The following HEMK2 variants were observed in gnomAD, a reference collection of about 807,000 sequenced individuals.
HEMK2 encodes the protein HemK methyltransferase 2, ETF1 glutamine and histone H4 lysine, also known as methyltransferase HEMK2.
At chr21:28,851,872 T>C in the HEMK2 span, among the ~76,000 whole-genome samples, 1 of 152,256 alleles carries the variant, frequency 6.6e-6, no homozygotes, top group Non-Finnish European at 1.5e-5. Flanking sequence ...AAATTGCTTC[T>C]GGTTGGCCTT....
At chr21:28,853,618 T>G in the HEMK2 span, among the ~76,000 whole-genome samples, 1 of 152,170 alleles carries the variant, frequency 6.6e-6, no homozygotes, top group African/African-American at 2.4e-5. Flanking sequence ...GGGTGGCTCC[T>G]AAGGAGAATC....
At chr21:28,878,052 T>C in the HEMK2 span, 58 of 645,862 alleles carry the variant, frequency 9.0e-5, no homozygotes, top group South Asian at 2.0e-3. Flanking sequence ...AATTTATGCC[T>C]GTATTAGCTA....
chr21:28,878,409 T>G, the HEMK2 span: 3 of 1,535,514 alleles, frequency 2.0e-6, no homozygotes, highest in East Asian at 4.6e-5. Context: ...TTTTGACAAG[T>G]AATATCACCA....
the HEMK2 span, among the ~76,000 whole-genome samples, chr21:28,682,378 T>C: frequency 0.49 from 68,057 of 139,002 alleles, 16,538 homozygotes; most frequent in East Asian, 0.77. Context: ...GTTAGAATGG[T>C]GATCATTAAA....
the HEMK2 span, among the ~76,000 whole-genome samples, chr21:28,650,266 G>A: frequency 6.6e-6 from 1 of 152,110 alleles, no homozygotes; most frequent in Non-Finnish European, 1.5e-5. Flanking sequence ...GTGGTGGCAG[G>A]TGCCTGTAAT....
the HEMK2 span, among the ~76,000 whole-genome samples, chr21:28,691,758 A>C: frequency 3.9e-5 from 6 of 152,232 alleles, no homozygotes; most frequent in Non-Finnish European, 8.8e-5. Context: ...CAGAATATAA[A>C]GCTTGGACCC....
the HEMK2 span, among the ~76,000 whole-genome samples, chr21:28,883,275 G>A: frequency 1.3e-5 from 2 of 151,964 alleles, no homozygotes; most frequent in Non-Finnish European, 2.9e-5. Context: ...TTTTGGGTAC[G>A]TAATATAAGT....
At chr21:28,832,673 C>G in the HEMK2 span, among the ~76,000 whole-genome samples, 6 of 152,320 alleles carry the variant, frequency 3.9e-5, no homozygotes, top group Admixed American at 2.0e-4. Context: ...TTCTCACAAC[C>G]TGTGTGACAA....
At chr21:28,806,241 AAT>A in the HEMK2 span, among the ~76,000 whole-genome samples, 3 of 152,212 alleles carry the variant, frequency 2.0e-5, no homozygotes, top group Non-Finnish European at 4.4e-5. Flanking sequence ...CACGACAGAT[AAT>A]TATGGAATTG....
At chr21:28,730,210 T>C in the HEMK2 span, among the ~76,000 whole-genome samples, 1 of 113,892 alleles carries the variant, frequency 8.8e-6, no homozygotes, top group African/African-American at 4.9e-5. Context: ...AGACCCCCAT[T>C]GCCACAAAAA....
At chr21:28,841,286 A>ATATATATTATATATAATATATATTATAT in the HEMK2 span, among the ~76,000 whole-genome samples, 1 of 7,538 alleles carries the variant, frequency 1.3e-4, no homozygotes, top group African/African-American at 1.9e-3. Flanking sequence ...ATTATATATA[A>ATATATATTATATATAATATATATTATAT]TATATATTAT....
chr21:28,719,287 C>T, the HEMK2 span, among the ~76,000 whole-genome samples: 5 of 152,290 alleles, frequency 3.3e-5, no homozygotes, highest in East Asian at 9.7e-4. Flanking sequence ...GATGAGTCCC[C>T]ACCCAAATCT....
the HEMK2 span, among the ~76,000 whole-genome samples, chr21:28,578,437 G>T: frequency 6.6e-6 from 1 of 152,206 alleles, no homozygotes; most frequent in Admixed American, 6.5e-5. Context: ...CCTGAAACAG[G>T]ACAGACGATA....
the HEMK2 span, among the ~76,000 whole-genome samples, chr21:28,831,702 G>A: frequency 1.1e-5 from 1 of 94,178 alleles, no homozygotes; most frequent in Non-Finnish European, 2.0e-5. Flanking sequence ...AAGGAAGGAA[G>A]GAAGGAAGGA....
the HEMK2 span, among the ~76,000 whole-genome samples, chr21:28,802,293 AC>A: frequency 6.6e-6 from 1 of 152,206 alleles, no homozygotes; most frequent in Non-Finnish European, 1.5e-5. Context: ...GTTGTATGTT[AC>A]CCTCTGTTGA....
At chr21:28,642,090 G>C in the HEMK2 span, among the ~76,000 whole-genome samples, 1 of 152,196 alleles carries the variant, frequency 6.6e-6, no homozygotes, top group African/African-American at 2.4e-5. Context: ...TGTTGAAAAA[G>C]TGAGAACCCC....
the HEMK2 span, among the ~76,000 whole-genome samples, chr21:28,808,621 T>C: frequency 6.6e-6 from 1 of 152,102 alleles, no homozygotes; most frequent in Non-Finnish European, 1.5e-5. Context: ...AAATACATTA[T>C]ATCTTTATGT....
the HEMK2 span, among the ~76,000 whole-genome samples, chr21:28,620,887 T>C: frequency 1.3e-5 from 2 of 151,932 alleles, no homozygotes; most frequent in Non-Finnish European, 2.9e-5. Context: ...TTGGCCAGGA[T>C]AGTTTTGATC....
chr21:28,859,260 G>T, the HEMK2 span, among the ~76,000 whole-genome samples: 1 of 152,098 alleles, frequency 6.6e-6, no homozygotes, highest in Non-Finnish European at 1.5e-5. Flanking sequence ...TTGTTTTTTA[G>T]TATTTGTTTA....
Sources: allele counts gnomAD v4.1 joint callset (sites outside exome capture counted in the v4.1 genomes callset), GRCh38; gene constraint gnomAD v4.1.1; transcripts MANE v1.5; gene names NCBI Gene and HGNC (gene_info 2026-07-23, HGNC 2026-07-21).